Variants in ALG9 observed in about 807,000 individuals in gnomAD.
The protein encoded by ALG9 is alpha-1,2-mannosyltransferase ALG9.
In ALG9, 55 loss-of-function variants were observed where a neutral mutation model predicts 81.8. The ratio of observed to expected loss-of-function variants is 0.67; its 90% CI spans 0.54 to 0.84. ALG9 has a LOEUF of 0.84. Ranked by LOEUF, ALG9 falls within the 40% of genes least tolerant of loss-of-function variation. The pLI, the probability that ALG9 is intolerant of heterozygous loss-of-function variation, is 0.00. For missense variants in ALG9, 629 were observed against 745.0 expected (o/e 0.84, Z 1.81); for synonymous variants, 278 against 274.3 (o/e 1.01, Z -0.13).
At chr11:111,793,861 C>A (rs1555072897) in intron 14 of ALG9, among the ~76,000 whole-genome samples, 1 of 151,922 alleles carries the variant, frequency 6.6e-6, no homozygotes, top group African/African-American at 2.4e-5. Context: ...GATTCACAGA[C>A]AACACTAATG....
chr11:111,806,749 ATCTAGCTGCCTGTTCAATAAT>A (rs1555085681), intron 14 of ALG9, among the ~76,000 whole-genome samples: 2 of 152,206 alleles, frequency 1.3e-5, no homozygotes, highest in African/African-American at 4.8e-5. Flanking sequence ...TAGACTGTAT[ATCTAGCTGCCTGTTCAATAAT>A]TCTATTTGCC....
At chr11:111,823,699 A>C (rs1421886740) in intron 13 of ALG9, among the ~76,000 whole-genome samples, 1 of 152,200 alleles carries the variant, frequency 6.6e-6, no homozygotes, top group African/African-American at 2.4e-5. Flanking sequence ...TGACTTGGGA[A>C]AAGGTCACAT....
chr11:111,867,319 G>A (rs1270298450), intron 3 of ALG9, among the ~76,000 whole-genome samples: 1 of 152,194 alleles, frequency 6.6e-6, no homozygotes, highest in East Asian at 1.9e-4. Context: ...ATCCTACCAG[G>A]TCTTGTAGAA....
intron 5 of ALG9, among the ~76,000 whole-genome samples, chr11:111,859,617 C>A (rs1479185494): frequency 6.6e-6 from 1 of 152,134 alleles, no homozygotes; most frequent in Non-Finnish European, 1.5e-5. Context: ...CCATCCAAAG[C>A]TGTCAGTTCC....
Position 111,837,619 on chromosome 11 carries a change from G to C in ALG9, c.1325-4C>G. ...AAATCAAGGGGCCCGTGATATCCTG[G>C]AAGGGAGAACAGTTAGTGAGAGCCA... On this transcript the variant is annotated splice_polypyrimidine_tract_variant and splice_region_variant and intron_variant, in intron 11 of 14. Transcript: ENST00000616540. 2 of 1,613,864 alleles carry C rather than the reference G, an allele frequency of 1.2e-6. No individual in the cohort carries two copies. Among genetic ancestry groups the C allele is most frequent in the South Asian group, 1.1e-5 (1 of 91,066 alleles).
chr11:111,785,578 T>C lies in ALG9; in HGVS notation c.*819A>G, dbSNP rs1161753855. ...AAAAATGTGATGTCATCCAAATGTA[T>C]CAATTGATAGAATTTTCTCCAAATA... On this transcript the variant is annotated 3_prime_UTR_variant, in exon 15 of 15. Transcript: ENST00000616540. 2 of 154,766 alleles carry C rather than the reference T, an allele frequency of 1.3e-5. No homozygotes were observed. Among genetic ancestry groups the C allele is most frequent in the African/African-American group, 4.8e-5 (2 of 41,458 alleles). The allele number at this position is 154,766 out of a possible 1,614,324, so 9.6% of individuals were successfully genotyped here.
intron 14 of ALG9, among the ~76,000 whole-genome samples, chr11:111,802,513 C>G (rs569298362): frequency 6.6e-6 from 1 of 152,020 alleles, no homozygotes; most frequent in South Asian, 2.1e-4. Context: ...GCGGGATGCC[C>G]GGAGACGGCA....
intron 3 of ALG9, among the ~76,000 whole-genome samples, chr11:111,867,843 T>C (rs531270052): frequency 3.9e-5 from 6 of 152,340 alleles, no homozygotes; most frequent in South Asian, 2.1e-4. Context: ...CTTTTGATAC[T>C]ACTTCCCACT....
chr11:111,838,955 CCCTT>C (rs1411697769), intron 10 of ALG9, among the ~76,000 whole-genome samples: 4 of 152,128 alleles, frequency 2.6e-5, no homozygotes, highest in Non-Finnish European at 4.4e-5. Flanking sequence ...CAGACTTCTT[CCCTT>C]CCTTCCTTCC....
intron 5 of ALG9, among the ~76,000 whole-genome samples, chr11:111,858,914 G>A (rs969839252): frequency 1.6e-4 from 25 of 152,270 alleles, no homozygotes; most frequent in African/African-American, 5.5e-4. Context: ...ATCAATTGTA[G>A]GAGTAGCAGG....
intron 14 of ALG9, among the ~76,000 whole-genome samples, chr11:111,794,369 G>A (rs868968727): frequency 3.9e-5 from 6 of 152,104 alleles, no homozygotes; most frequent in South Asian, 2.1e-4. Context: ...CTGCAGCCTC[G>A]ACCTCCTGGG....
intron 9 of ALG9, among the ~76,000 whole-genome samples, chr11:111,842,947 T>C (rs1316474931): frequency 1.3e-5 from 2 of 152,014 alleles, no homozygotes; most frequent in Non-Finnish European, 2.9e-5. Flanking sequence ...TAAATAATTA[T>C]TATTGTTGTT....
chr11:111,857,846 A>G, intron 5 of ALG9, 109 bp from the exon 6 acceptor site: 1 of 1,224,460 alleles, frequency 8.2e-7, no homozygotes, highest in Non-Finnish European at 1.2e-6. Flanking sequence ...ATGTCAATAA[A>G]CAGGTACATA....
intron 9 of ALG9, among the ~76,000 whole-genome samples, chr11:111,843,162 T>G (rs1956477041): frequency 6.6e-6 from 1 of 152,148 alleles, no homozygotes; most frequent in African/African-American, 2.4e-5. Flanking sequence ...ATAGAAGGGA[T>G]AGAGGAATAA....
intron 8 of ALG9, among the ~76,000 whole-genome samples, chr11:111,845,549 C>T (rs1555128813): frequency 6.6e-6 from 1 of 152,178 alleles, no homozygotes; most frequent in Non-Finnish European, 1.5e-5. Context: ...TCACTAAAAA[C>T]ACAAGTCTTA....
intron 13 of ALG9, among the ~76,000 whole-genome samples, chr11:111,814,965 C>A (rs1444963077): frequency 1.3e-5 from 2 of 152,158 alleles, no homozygotes; most frequent in Non-Finnish European, 2.9e-5. Flanking sequence ...GCTTAGATTT[C>A]TTTTGGTTAG....
intron 10 of ALG9, among the ~76,000 whole-genome samples, chr11:111,839,458 G>A (rs1030509964): frequency 2.0e-5 from 3 of 151,804 alleles, no homozygotes; most frequent in Admixed American, 6.6e-5. Context: ...GGTGGCGGGC[G>A]CCTGTAGTCC....
chr11:111,823,874 C>A (rs1555106161), intron 13 of ALG9, among the ~76,000 whole-genome samples: 1 of 152,188 alleles, frequency 6.6e-6, no homozygotes, highest in African/African-American at 2.4e-5. Flanking sequence ...TCATCATGCT[C>A]TTTCATCCCA....
chr11:111,802,996 C>T (rs899856921), intron 14 of ALG9, among the ~76,000 whole-genome samples: 1 of 152,104 alleles, frequency 6.6e-6, no homozygotes, highest in South Asian at 2.1e-4. Flanking sequence ...CATCACACTC[C>T]CCAAAATGCA....
Sources: gnomAD v4.1 joint callset for allele counts (sites outside exome capture counted in the v4.1 genomes callset) on GRCh38, gnomAD v4.1.1 for gene constraint, MANE v1.5 for transcripts, NCBI Gene and HGNC (gene_info 2026-07-23, HGNC 2026-07-21) for gene names.